YTHDC2: variants seen among roughly 807,000 people sequenced by gnomAD.
YTHDC2 encodes the protein YTH N6-methyladenosine RNA binding protein C2.
A neutral mutation model predicts 174.9 loss-of-function variants in YTHDC2; 45 were observed. The observed-to-expected ratio is 0.26, with a 90% CI of 0.20 to 0.33. The LOEUF (loss-of-function observed/expected upper bound fraction) is 0.33, where lower values mean the gene tolerates loss of function less well. Ranked by LOEUF, YTHDC2 falls within the 10% of genes least tolerant of loss-of-function variation. YTHDC2 has a pLI of 1.00. For synonymous variants in YTHDC2, 657 were observed against 574.5 expected (o/e 1.14, Z -2.05); for missense variants, 1,650 against 1,723.7 (o/e 0.96, Z 0.76).
In YTHDC2 at chr5:113,592,197, T is replaced by TTG. The variant is rs1779043607; in HGVS notation, c.4212+20_4212+21insGT. ...TGGGCAGGTATACAATGGCATTTTT[T>TTG]TTTTTATTTACTTTTGTTTCTGTTT... is the stretch of plus-strand genomic sequence containing the variant. On this transcript the variant is annotated intron_variant, in intron 28 of 29. Coordinates refer to ENST00000161863, the MANE Select transcript of YTHDC2 (RefSeq NM_022828.5). The TTG allele has an allele frequency of 1.3e-6, 2 of 1,571,136 alleles. No individual in the cohort carries two copies. The highest frequency in any genetic ancestry group is 2.8e-5 in the African/African-American group (2 of 71,798).
rs139526779 is a variant in YTHDC2, at chr5:113,584,372, C to T, written c.3718C>T (p.Pro1240Ser). Residue 1240 changes from proline (P) to serine (S), a missense_variant, in exon 26 of 30, where the codon CCT (proline) becomes TCT (serine). Pro to Ser is a moderately conservative substitution (Grantham distance 74). Transcript: ENST00000161863. ...GTACAAAGATAGAGGAATTTTACATCCTAAACGAGGTACTGAGGACCGATC... is the reference window on the plus strand; with the variant it reads ...GTACAAAGATAGAGGAATTTTACATTCTAAACGAGGTACTGAGGACCGATC... The part of the protein sequence containing the change: ...QKYKDRGILH[P>S]KRGTEDRSDQ... 2.5e-6 allele frequency: 4 copies of T among 1,613,672 alleles called. No homozygotes were observed. The highest frequency in any genetic ancestry group is 3.4e-6 in the Non-Finnish European group (4 of 1,179,808).
At position 113,520,207 on chromosome 5, in the gene YTHDC2, A is replaced by G. The variant is rs1381411881; in HGVS notation, c.279-4774A>G. Among the ~76,000 whole-genome samples the G allele has an allele frequency of 2.6e-5, 4 of 152,298 alleles. No homozygotes were observed. The East Asian group carries it at 7.7e-4, about 29-fold the overall frequency. On this transcript the variant is annotated intron_variant, in intron 2 of 29. Coordinates refer to ENST00000161863, the MANE Select transcript of YTHDC2 (RefSeq NM_022828.5). Reference sequence around the variant, plus strand: ...AGGATGATGGTTTCCAGCTTCATCGATGTCCCCGCAAAGGACATGAACTTA... The same window carrying G: ...AGGATGATGGTTTCCAGCTTCATCGGTGTCCCCGCAAAGGACATGAACTTA...
At chr5:113,580,836 A>T (rs1186719148) in intron 24 of YTHDC2, among the ~76,000 whole-genome samples, 1 of 151,892 alleles carries the variant, frequency 6.6e-6, no homozygotes, top group Non-Finnish European at 1.5e-5. Context: ...AATCTTTCTT[A>T]ATTCTTTCTC....
chr5:113,573,500 A>G (rs1443999751), intron 23 of YTHDC2, among the ~76,000 whole-genome samples: 1 of 152,044 alleles, frequency 6.6e-6, no homozygotes, highest in Non-Finnish European at 1.5e-5. Flanking sequence ...GATTTCCTGA[A>G]TTTGAATGTT....
chr5:113,567,543 G>T, intron 22 of YTHDC2, 111 bp from the exon 23 acceptor site: 3 of 952,864 alleles, frequency 3.1e-6, no homozygotes, highest in Non-Finnish European at 4.5e-6. Context: ...TTTTGCTTAC[G>T]TACTAATATA....
In YTHDC2 at chr5:113,514,044, A is replaced by C. The variant is rs141773825; in HGVS notation, c.149A>C (p.Asn50Thr). ...GATGAGGAGGTGAAGATCGCAGTCA[A>C]TATCGCGCTGGAGCGCTTCCGATAC... is the stretch of plus-strand genomic sequence containing the variant. ...RIDEEVKIAV[N>T]IALERFRYGD... The change falls in exon 1 of 30, where the codon AAT (asparagine) becomes ACT (threonine). Residue 50 changes from asparagine (N) to threonine (T), a missense_variant. Asn to Thr is a moderately conservative substitution (Grantham distance 65, BLOSUM62 0). Coordinates refer to ENST00000161863, the MANE Select transcript of YTHDC2 (RefSeq NM_022828.5). 3 of 1,612,314 alleles carry C rather than the reference A, an allele frequency of 1.9e-6. No homozygotes were observed. The highest frequency in any genetic ancestry group is 2.2e-5 in the South Asian group (2 of 90,662).
At chr5:113,548,468 GA>G in intron 10 of YTHDC2, 72 bp from the exon 11 acceptor site, 1 of 1,446,684 alleles carries the variant, frequency 6.9e-7, no homozygotes, top group Non-Finnish European at 9.3e-7. Flanking sequence ...TGCTATTTCA[GA>G]TTTTTTAAAG....
rs960801630 is a variant in YTHDC2, at chr5:113,589,469, G to A, written c.3826-1572G>A. On this transcript the variant is annotated intron_variant, in intron 26 of 29. Coordinates refer to ENST00000161863, the MANE Select transcript of YTHDC2 (RefSeq NM_022828.5). The stretch of plus-strand genomic sequence containing the variant: ...TTCTGGCCCGGCGTGGTTTATGTCT[G>A]TAATCCCAGTGGTTTAGGAGGCCAG... Among the ~76,000 whole-genome samples, 13 of 146,822 alleles carry A rather than the reference G, an allele frequency of 8.9e-5. No individual in the cohort carries two copies. In the East Asian group the frequency reaches 2.4e-3, roughly 27 times the overall value.
At chr5:113,567,560 C>A in intron 22 of YTHDC2, 94 bp from the exon 23 acceptor site, 1 of 1,113,964 alleles carries the variant, frequency 9.0e-7, no homozygotes, top group Non-Finnish European at 1.3e-6. Context: ...TATACATCAT[C>A]TATTTCATTG....
At chr5:113,526,537 T>G (rs1439018545) in intron 3 of YTHDC2, 49 bp from the exon 4 acceptor site, 4 of 1,451,680 alleles carry the variant, frequency 2.8e-6, no homozygotes, top group Non-Finnish European at 3.7e-6. Flanking sequence ...TTAACACTTC[T>G]TTTTCCGTGT....
At position 113,556,656 on chromosome 5, in the gene YTHDC2, T is replaced by C. The variant is rs377389768; in HGVS notation, c.2216+522T>C. On this transcript the variant is annotated intron_variant, in intron 17 of 29. Coordinates refer to ENST00000161863, the MANE Select transcript of YTHDC2 (RefSeq NM_022828.5). ...AAAATGTTTAACAGTATGTACAACA[T>C]AGAGGAAAAACATGGGCCAATAGTC... Among the ~76,000 whole-genome samples, 44 of 152,304 alleles carry C rather than the reference T, an allele frequency of 2.9e-4. 3 individuals carry two copies. The highest frequency in any genetic ancestry group is 7.8e-4 in the Admixed American group (12 of 15,304).
intron 2 of YTHDC2, among the ~76,000 whole-genome samples, chr5:113,518,903 A>G (rs951130680): frequency 2.6e-5 from 4 of 152,016 alleles, no homozygotes; most frequent in African/African-American, 9.7e-5. Flanking sequence ...TTTTTTAGAG[A>G]CAGAGTCTTC....
chr5:113,533,120 G>C (rs1221141497), intron 5 of YTHDC2, 75 bp downstream of exon 5: 2 of 1,506,198 alleles, frequency 1.3e-6, no homozygotes, highest in African/African-American at 1.4e-5. Flanking sequence ...AAAAATAGAG[G>C]ATGTGTTCGT....
chr5:113,532,809 A>G, intron 4 of YTHDC2, 70 bp from the exon 5 acceptor site: 2 of 1,406,478 alleles, frequency 1.4e-6, no homozygotes, highest in Non-Finnish European at 1.9e-6. Flanking sequence ...GTGGTTTTTC[A>G]GTTGATTCAC....
At position 113,534,379 on chromosome 5, in the gene YTHDC2, C is replaced by G; in HGVS notation, c.917C>G (p.Thr306Arg). ...LLRTLMAGDSTLSTVTHVIVD... is the reference protein window; with the variant it reads ...LLRTLMAGDSRLSTVTHVIVD... ...CGTACATTGATGGCAGGAGATAGTACGTTGTCGACTGTGACACATGTTATC... is the reference window on the plus strand; with the variant it reads ...CGTACATTGATGGCAGGAGATAGTAGGTTGTCGACTGTGACACATGTTATC... The change falls in exon 6 of 30, where the codon ACG becomes AGG. Residue 306 changes from threonine to arginine, a missense_variant. Coordinates refer to ENST00000161863, the MANE Select transcript of YTHDC2 (RefSeq NM_022828.5). 6.2e-7 allele frequency: 1 copy of G among 1,611,482 alleles called. No homozygotes were observed.
chr5:113,550,502 T>C (rs1776180708), intron 12 of YTHDC2, among the ~76,000 whole-genome samples: 1 of 152,106 alleles, frequency 6.6e-6, no homozygotes, highest in Non-Finnish European at 1.5e-5. Flanking sequence ...AAAGGCTGAA[T>C]GAAGATTTAA....
At chr5:113,517,502 G>A (rs1773519353) in intron 2 of YTHDC2, 1 of 455,164 alleles carries the variant, frequency 2.2e-6, no homozygotes, top group Non-Finnish European at 4.4e-6. Context: ...TAGATATCTT[G>A]GGAAGGAGAA....
Position 113,563,948 on chromosome 5 carries a change from G to A in YTHDC2, c.2532G>A (p.Met844Ile). 2 of 1,614,140 alleles carry A rather than the reference G, an allele frequency of 1.2e-6. No individual in the cohort carries two copies. The highest frequency in any genetic ancestry group is 1.7e-6 in the Non-Finnish European group (2 of 1,180,018). The stretch of plus-strand genomic sequence containing the variant: ...CAGTAGAACCACATCTTGGTAAAAT[G>A]GTCTTGTGTGCTGTTGTTTTAAAGT... The part of the protein sequence containing the change: ...DLPVEPHLGK[M>I]VLCAVVLKCL... The change falls in exon 20 of 30, where the codon ATG becomes ATA. Residue 844 changes from methionine to isoleucine, a missense_variant. Coordinates refer to ENST00000161863, the MANE Select transcript of YTHDC2 (RefSeq NM_022828.5).
At chr5:113,589,585 G>T (rs1378030369) in intron 26 of YTHDC2, among the ~76,000 whole-genome samples, 1 of 151,512 alleles carries the variant, frequency 6.6e-6, no homozygotes, top group Non-Finnish European at 1.5e-5. Context: ...AAAAAAATTA[G>T]TTGGGCATGG....
Sources: gnomAD v4.1 joint callset for allele counts (sites outside exome capture counted in the v4.1 genomes callset) on GRCh38, gnomAD v4.1.1 for gene constraint, MANE v1.5 for transcripts, NCBI Gene and HGNC (gene_info 2026-07-23, HGNC 2026-07-21) for gene names.